The following HAPLN1 variants were observed in gnomAD, a reference collection of about 807,000 sequenced individuals.
HAPLN1 encodes the protein hyaluronan and proteoglycan link protein 1, also known as Cartilage link protein.
HAPLN1 carries 13 observed loss-of-function variants against 36.5 expected under a neutral mutation model. That is an observed-to-expected ratio of 0.36 (90% CI 0.23 to 0.57). The LOEUF (loss-of-function observed/expected upper bound fraction) is 0.57, where lower values mean the gene tolerates loss of function less well. Ranked by LOEUF, HAPLN1 falls within the 20% of genes least tolerant of loss-of-function variation. HAPLN1 has a pLI of 0.83. For synonymous variants in HAPLN1, 202 were observed against 169.8 expected (o/e 1.19, Z -1.48); for missense variants, 407 against 439.7 (o/e 0.93, Z 0.66).
intron 1 of HAPLN1, among the ~76,000 whole-genome samples, chr5:83,719,892 AC>A (rs1193952289): frequency 6.6e-6 from 1 of 152,236 alleles, no homozygotes; most frequent in Non-Finnish European, 1.5e-5. Context: ...TGATTTTATG[AC>A]ATCACACTGG....
chr5:83,684,940 T>A (rs1447949136), intron 1 of HAPLN1, among the ~76,000 whole-genome samples: 1 of 152,190 alleles, frequency 6.6e-6, no homozygotes, highest in African/African-American at 2.4e-5. Context: ...GAACACACTT[T>A]TAAAGACTTC....
intron 1 of HAPLN1, among the ~76,000 whole-genome samples, chr5:83,677,487 A>T (rs1262996812): frequency 2.6e-5 from 4 of 152,200 alleles, no homozygotes; most frequent in Non-Finnish European, 4.4e-5. Flanking sequence ...AGCTTTTCTG[A>T]TGCCATGGAC....
At chr5:83,664,526 G>A (rs336951) in intron 2 of HAPLN1, among the ~76,000 whole-genome samples, 52,227 of 151,770 alleles carry the variant, frequency 0.34, 9,183 homozygotes, top group East Asian at 0.55. Context: ...GGGACTACAG[G>A]CATGAGACAC....
Position 83,698,251 on chromosome 5 carries a change from C to T in HAPLN1, c.-27+22538G>A, listed in dbSNP as rs145413839. On this transcript the variant is annotated intron_variant, in intron 1 of 4. Coordinates refer to ENST00000274341, the MANE Select transcript of HAPLN1 (RefSeq NM_001884.4). The stretch of plus-strand genomic sequence containing the variant: ...TGTCTGTCTACTTCTCCCAGCATCT[C>T]AGTTTTCCACTGAGAAGTCTGCTGC... 6.0e-3 allele frequency among the ~76,000 whole-genome samples: 918 copies of T among 152,220 alleles called. 10 individuals are homozygous for T. The highest frequency in any genetic ancestry group is 0.021 in the African/African-American group (884 of 41,544).
intron 2 of HAPLN1, among the ~76,000 whole-genome samples, chr5:83,659,976 C>G (rs1206002455): frequency 6.6e-6 from 1 of 152,040 alleles, no homozygotes; most frequent in Non-Finnish European, 1.5e-5. Flanking sequence ...CGAGATTGTA[C>G]TCCTCCCATC....
intron 1 of HAPLN1, among the ~76,000 whole-genome samples, chr5:83,688,940 C>T (rs1473966842): frequency 6.6e-6 from 1 of 152,122 alleles, no homozygotes; most frequent in African/African-American, 2.4e-5. Context: ...TTTGATGAGG[C>T]TGAGCAGAAC....
chr5:83,712,142 G>C (rs1751799466), intron 1 of HAPLN1, among the ~76,000 whole-genome samples: 1 of 152,134 alleles, frequency 6.6e-6, no homozygotes, highest in Admixed American at 6.5e-5. Flanking sequence ...TTGACCAAAT[G>C]GTCAAGCTGG....
chr5:83,657,905 T>C (rs2112574915), intron 2 of HAPLN1, among the ~76,000 whole-genome samples: 1 of 152,254 alleles, frequency 6.6e-6, no homozygotes, highest in African/African-American at 2.4e-5. Flanking sequence ...CATCATTTAA[T>C]TTTGTCCATT....
At chr5:83,684,655 T>A (rs543889681) in intron 1 of HAPLN1, among the ~76,000 whole-genome samples, 1 of 152,212 alleles carries the variant, frequency 6.6e-6, no homozygotes, top group African/African-American at 2.4e-5. Context: ...TACATGGAGC[T>A]CGTGTAGTTG....
chr5:83,644,726 T>G, intron 3 of HAPLN1, 61 bp from the exon 4 acceptor site: 1 of 1,292,974 alleles, frequency 7.7e-7, no homozygotes, highest in African/African-American at 1.5e-5. Context: ...TCTGAGCAAA[T>G]GCCACCTAGT....
At chr5:83,713,593 A>G (rs1422523050) in intron 1 of HAPLN1, among the ~76,000 whole-genome samples, 3 of 152,096 alleles carry the variant, frequency 2.0e-5, no homozygotes, top group African/African-American at 7.2e-5. Flanking sequence ...TCCAGCCATG[A>G]CTTCTCCCAT....
intron 2 of HAPLN1, among the ~76,000 whole-genome samples, chr5:83,671,328 C>T (rs112782392): frequency 9.6e-4 from 146 of 152,288 alleles, no homozygotes; most frequent in African/African-American, 3.2e-3. Flanking sequence ...AACAGAAGCT[C>T]ATACTGCTTA....
chr5:83,678,612 T>C, intron 1 of HAPLN1, among the ~76,000 whole-genome samples: 1 of 152,120 alleles, frequency 6.6e-6, no homozygotes, highest in Non-Finnish European at 1.5e-5. Flanking sequence ...TCACTCTGGG[T>C]CCACTGCTCT....
intron 1 of HAPLN1, among the ~76,000 whole-genome samples, chr5:83,678,220 G>GGGGGGT (rs1554049526): frequency 1.3e-4 from 18 of 142,536 alleles, no homozygotes; most frequent in African/African-American, 4.1e-4. Context: ...CTATAGTTTG[G>GGGGGGT]GTGTGTGTGT....
intron 1 of HAPLN1, among the ~76,000 whole-genome samples, chr5:83,697,929 A>T (rs764630259): frequency 6.6e-6 from 1 of 152,008 alleles, no homozygotes; most frequent in Non-Finnish European, 1.5e-5. Flanking sequence ...TATATTCTGG[A>T]TATATACTAG....
At chr5:83,665,312 T>C (rs776027420) in intron 2 of HAPLN1, among the ~76,000 whole-genome samples, 15 of 152,214 alleles carry the variant, frequency 9.9e-5, no homozygotes, top group Non-Finnish European at 2.1e-4. Flanking sequence ...ATTCGTGTCA[T>C]ATATCTTGTA....
chr5:83,646,122 T>G (rs997900340), intron 3 of HAPLN1, among the ~76,000 whole-genome samples: 7 of 152,238 alleles, frequency 4.6e-5, no homozygotes, highest in Non-Finnish European at 8.8e-5. Context: ...GCCCATTTTC[T>G]TTAAAGGCTA....
intron 3 of HAPLN1, among the ~76,000 whole-genome samples, chr5:83,650,155 C>T (rs1430969075): frequency 1.1e-4 from 17 of 152,148 alleles, no homozygotes; most frequent in Admixed American, 1.1e-3. Flanking sequence ...AAAATTTCTC[C>T]TTCTTACAAA....
At position 83,689,738 on chromosome 5, in the gene HAPLN1, A is replaced by G. The variant is rs560489325; in HGVS notation, c.-26-16189T>C. Among the ~76,000 whole-genome samples, 615 of 152,256 alleles carry G rather than the reference A, an allele frequency of 4.0e-3. 6 individuals carry two copies. The highest frequency in any genetic ancestry group is 0.014 in the African/African-American group (581 of 41,570). On this transcript the variant is annotated intron_variant, in intron 1 of 4. Coordinates refer to ENST00000274341, the MANE Select transcript of HAPLN1 (RefSeq NM_001884.4). Reference sequence around the variant, plus strand: ...CCCAGTTATTTAAAATTTATTATACAGTGATTTTACTATAGAAGTTTGTGT... The same window carrying G: ...CCCAGTTATTTAAAATTTATTATACGGTGATTTTACTATAGAAGTTTGTGT...
Sources: gnomAD v4.1 joint callset for allele counts (sites outside exome capture counted in the v4.1 genomes callset) on GRCh38, gnomAD v4.1.1 for gene constraint, MANE v1.5 for transcripts, NCBI Gene and HGNC (gene_info 2026-07-23, HGNC 2026-07-21) for gene names.